The following KCNQ3 variants were observed in gnomAD, a reference collection of about 807,000 sequenced individuals.
The protein encoded by KCNQ3 is potassium voltage-gated channel subfamily Q member 3, also known as potassium voltage-gated channel subfamily KQT member 3.
KCNQ3 carries 30 observed loss-of-function variants against 92.5 expected under a neutral mutation model. That is an observed-to-expected ratio of 0.32 (90% CI 0.24 to 0.44). The LOEUF is 0.44. Among genes scored for constraint, KCNQ3 ranks in the 20% least tolerant of loss-of-function variants. KCNQ3 has a pLI of 1.00. For missense variants in KCNQ3, 913 were observed against 1,140.3 expected (o/e 0.80, Z 2.87); for synonymous variants, 450 against 468.8 (o/e 0.96, Z 0.52).
intron 1 of KCNQ3, among the ~76,000 whole-genome samples, chr8:132,333,947 C>T (rs1032301562): frequency 4.0e-5 from 6 of 151,822 alleles, no homozygotes; most frequent in African/African-American, 9.7e-5. Flanking sequence ...TGGCCAGGCT[C>T]GTCTCGAACT....
chr8:132,423,976 A>T (rs1259764725), intron 1 of KCNQ3, among the ~76,000 whole-genome samples: 2 of 152,230 alleles, frequency 1.3e-5, no homozygotes, highest in Non-Finnish European at 2.9e-5. Context: ...ATTTAAAAAA[A>T]AACAAAAGCT....
At chr8:132,207,292 T>C (rs1022735522) in intron 1 of KCNQ3, among the ~76,000 whole-genome samples, 6 of 152,216 alleles carry the variant, frequency 3.9e-5, no homozygotes, top group African/African-American at 1.4e-4. Flanking sequence ...CCTATTTTCA[T>C]CCCAATTTCA....
At chr8:132,472,521 T>C (rs1341901569) in intron 1 of KCNQ3, among the ~76,000 whole-genome samples, 1 of 152,124 alleles carries the variant, frequency 6.6e-6, no homozygotes, top group Non-Finnish European at 1.5e-5. Context: ...AAGACAAATA[T>C]CATGTGTTCT....
chr8:132,372,220 A>G (rs944437254), intron 1 of KCNQ3, among the ~76,000 whole-genome samples: 5 of 152,168 alleles, frequency 3.3e-5, no homozygotes, highest in Admixed American at 3.3e-4. Context: ...CAAAATTCTG[A>G]GTTCCCTTTC....
chr8:132,461,437 C>A (rs1053157539), intron 1 of KCNQ3, among the ~76,000 whole-genome samples: 4 of 152,074 alleles, frequency 2.6e-5, no homozygotes, highest in Non-Finnish European at 4.4e-5. Context: ...TGGTGGTGGG[C>A]ACCTGTAATC....
chr8:132,215,744 C>T (rs1193585440), intron 1 of KCNQ3, among the ~76,000 whole-genome samples: 1 of 152,222 alleles, frequency 6.6e-6, no homozygotes, highest in Non-Finnish European at 1.5e-5. Flanking sequence ...TAGCCCATGA[C>T]TGATAGGTGA....
intron 1 of KCNQ3, among the ~76,000 whole-genome samples, chr8:132,255,930 G>A (rs1034918182): frequency 2.6e-5 from 4 of 151,902 alleles, no homozygotes; most frequent in Admixed American, 1.3e-4. Context: ...AAAACAATGA[G>A]CTATGCAAAG....
intron 1 of KCNQ3, among the ~76,000 whole-genome samples, chr8:132,405,936 G>A (rs1820465220): frequency 1.3e-5 from 2 of 152,260 alleles, no homozygotes; most frequent in South Asian, 2.1e-4. Flanking sequence ...ACAGCCTCCA[G>A]GTCTTAGGCA....
chr8:132,230,803 C>A (rs1054053861), intron 1 of KCNQ3, among the ~76,000 whole-genome samples: 7 of 152,128 alleles, frequency 4.6e-5, no homozygotes, highest in African/African-American at 1.7e-4. Context: ...TCCCTTCTGT[C>A]CAAAGAATTA....
intron 1 of KCNQ3, among the ~76,000 whole-genome samples, chr8:132,265,258 T>A (rs921580203): frequency 6.6e-6 from 1 of 152,260 alleles, no homozygotes; most frequent in Non-Finnish European, 1.5e-5. Flanking sequence ...TTTGCCTAGA[T>A]GAAATAGGTC....
intron 1 of KCNQ3, among the ~76,000 whole-genome samples, chr8:132,248,136 C>T (rs970943299): frequency 6.6e-6 from 1 of 152,090 alleles, no homozygotes; most frequent in Non-Finnish European, 1.5e-5. Context: ...ATGTACATAT[C>T]AAAAATATAT....
chr8:132,251,786 T>A (rs111951060), intron 1 of KCNQ3, among the ~76,000 whole-genome samples: 1 of 152,238 alleles, frequency 6.6e-6, no homozygotes, highest in Non-Finnish European at 1.5e-5. Flanking sequence ...AACATAGTTA[T>A]AGAGAGACAG....
intron 1 of KCNQ3, among the ~76,000 whole-genome samples, chr8:132,461,013 C>T (rs1822047955): frequency 6.6e-6 from 1 of 152,172 alleles, no homozygotes; most frequent in Admixed American, 6.5e-5. Context: ...AGCACTGTAG[C>T]TTTTGTCATT....
chr8:132,135,058 T>TATC (rs762571885), intron 12 of KCNQ3, among the ~76,000 whole-genome samples: 114 of 152,336 alleles, frequency 7.5e-4, no homozygotes, highest in African/African-American at 2.7e-3. Flanking sequence ...TCATGGGGGT[T>TATC]ATCTTTTCTG....
intron 9 of KCNQ3, among the ~76,000 whole-genome samples, chr8:132,142,819 G>A (rs921599470): frequency 8.5e-5 from 13 of 152,180 alleles, no homozygotes; most frequent in African/African-American, 3.1e-4. Context: ...TTGAAGCTGG[G>A]TGCAGTGTGG....
intron 1 of KCNQ3, among the ~76,000 whole-genome samples, chr8:132,265,597 C>T (rs935046206): frequency 1.3e-5 from 2 of 152,204 alleles, no homozygotes; most frequent in Non-Finnish European, 2.9e-5. Context: ...CCAATAATAA[C>T]CTCTTATTCA....
At position 132,200,521 on chromosome 8, in the gene KCNQ3, GA is replaced by G. The variant is rs35534751; in HGVS notation, c.387-14341del. On this transcript the variant is annotated intron_variant, in intron 1 of 14. Transcript: ENST00000388996. ...CATGTTACGTGTCTAATATTGTACAGAAAAAAAATATTTAAAACTTAAATAT... is the reference window on the plus strand; with the variant it reads ...CATGTTACGTGTCTAATATTGTACAGAAAAAAATATTTAAAACTTAAATAT... 1.9e-4 allele frequency among the ~76,000 whole-genome samples: 29 copies of G among 151,832 alleles called. No individual in the cohort carries two copies. In the South Asian group the frequency reaches 4.4e-3, roughly 23 times the overall value.
chr8:132,275,768 G>C (rs1324190537), intron 1 of KCNQ3, among the ~76,000 whole-genome samples: 1 of 150,772 alleles, frequency 6.6e-6, no homozygotes, highest in East Asian at 2.0e-4. Context: ...TAGTAGAAAC[G>C]GGGTTTCACT....
intron 1 of KCNQ3, among the ~76,000 whole-genome samples, chr8:132,290,671 G>A (rs1816812334): frequency 6.6e-6 from 1 of 152,110 alleles, no homozygotes; most frequent in African/African-American, 2.4e-5. Context: ...TAGGTTTCGT[G>A]GATGTTTTAA....
Sources: gnomAD v4.1 joint callset for allele counts (sites outside exome capture counted in the v4.1 genomes callset) on GRCh38, gnomAD v4.1.1 for gene constraint, MANE v1.5 for transcripts, NCBI Gene and HGNC (gene_info 2026-07-23, HGNC 2026-07-21) for gene names.